The following PCDHA7 variants were observed in gnomAD, a reference collection of about 807,000 sequenced individuals.
The protein encoded by PCDHA7 is protocadherin alpha-7.
A neutral mutation model predicts 57.2 loss-of-function variants in PCDHA7; 37 were observed. The ratio of observed to expected loss-of-function variants is 0.65; its 90% confidence interval spans 0.50 to 0.85. PCDHA7 has a LOEUF of 0.85. Ranked by LOEUF, PCDHA7 falls within the 40% of genes least tolerant of loss-of-function variation. The pLI is 0.00. For synonymous variants in PCDHA7, 553 were observed against 558.8 expected (o/e 0.99, Z 0.15); for missense variants, 1,188 against 1,241.8 (o/e 0.96, Z 0.65).
intron 1 of PCDHA7, chr5:140,869,217 G>A: frequency 1.2e-6 from 2 of 1,613,842 alleles, no homozygotes; most frequent in South Asian, 1.1e-5. Context: ...TCTCGGAGGA[G>A]GCCAAACACG....
In PCDHA7 at chr5:140,835,636, TG is replaced by T. The variant is rs2150240289; in HGVS notation, c.1254del (p.Ser419ProfsTer30). ...VLDSALDRES[V>X]SAYELVVTAR... ...GACAGCGCTCTGGACCGCGAGAGTG[TG>T]TCCGCCTATGAGCTGGTGGTTACCG... On this transcript the variant is annotated frameshift_variant, in exon 1 of 4. Transcript: ENST00000525929. LOFTEE classifies it high-confidence loss of function. 6 of 1,613,906 alleles carry T rather than the reference TG, an allele frequency of 3.7e-6. No individual in the cohort carries two copies. The East Asian group carries it at 8.9e-5, about 24-fold the overall frequency.
chr5:140,992,847 A>G (rs183404145), intron 3 of PCDHA7, among the ~76,000 whole-genome samples: 1 of 152,264 alleles, frequency 6.6e-6, no homozygotes, highest in East Asian at 1.9e-4. Flanking sequence ...TTGTATAACA[A>G]CCAGTTTCAC....
intron 1 of PCDHA7, among the ~76,000 whole-genome samples, chr5:140,973,258 C>T (rs952911948): frequency 1.3e-5 from 2 of 152,168 alleles, no homozygotes; most frequent in African/African-American, 4.8e-5. Flanking sequence ...CTTTCAGTGG[C>T]ACCTACTTTT....
intron 3 of PCDHA7, among the ~76,000 whole-genome samples, chr5:140,999,070 T>A (rs930538088): frequency 6.1e-4 from 93 of 152,328 alleles, no homozygotes; most frequent in African/African-American, 2.1e-3. Context: ...GTAGTCTCCT[T>A]CACTTCCTCC....
At chr5:140,837,629 C>CT (rs2150277750) in intron 1 of PCDHA7, among the ~76,000 whole-genome samples, 8 of 148,948 alleles carry the variant, frequency 5.4e-5, no homozygotes, top group Admixed American at 1.3e-4. Flanking sequence ...TCCTTCCTTC[C>CT]TTCCTTTCTT....
chr5:140,857,990 G>C lies in PCDHA7; in HGVS notation c.2355+21252G>C, dbSNP rs570220982. ...TGACTCGCCACGCCAGCGCCTACTG[G>C]TGCTGGTGAAGGACCATGGCGAGCC... On this transcript the variant is annotated intron_variant, in intron 1 of 3. Transcript: ENST00000525929. 3.7e-5 allele frequency: 59 copies of C among 1,597,202 alleles called. 9 individuals are homozygous for C. In the South Asian group the frequency reaches 5.7e-4, roughly 16 times the overall value.
chr5:140,881,318 C>G (rs970806128), intron 1 of PCDHA7: 20 of 977,252 alleles, frequency 2.0e-5, no homozygotes, highest in East Asian at 2.3e-4. Context: ...TGGTTAAATT[C>G]TATTTAACCA....
chr5:140,917,338 G>GGGGGGGGGGGGGGGGGA (rs2078134893), intron 1 of PCDHA7, among the ~76,000 whole-genome samples: 1 of 137,894 alleles, frequency 7.3e-6, no homozygotes, highest in Non-Finnish European at 1.6e-5. Flanking sequence ...GGAGGGGGGG[G>GGGGGGGGGGGGGGGGGA]ATGGTGTAGG....
At chr5:140,880,748 G>T (rs950550579) in intron 1 of PCDHA7, among the ~76,000 whole-genome samples, 10 of 152,220 alleles carry the variant, frequency 6.6e-5, no homozygotes, top group Non-Finnish European at 1.2e-4. Flanking sequence ...GATTGTCAGT[G>T]TAACTGCGTG....
intron 1 of PCDHA7, chr5:140,861,660 G>A: frequency 3.7e-6 from 1 of 269,190 alleles, no homozygotes; most frequent in Non-Finnish European, 7.4e-6. Context: ...TCTGAAACGA[G>A]AGCTCTTGAT....
intron 1 of PCDHA7, among the ~76,000 whole-genome samples, chr5:140,959,250 G>A (rs2095476529): frequency 6.6e-6 from 1 of 152,030 alleles, no homozygotes. Context: ...GATAGTGCAT[G>A]ACTGTAGTCC....
intron 1 of PCDHA7, chr5:140,862,303 T>C (rs2047298994): frequency 3.6e-6 from 1 of 279,072 alleles, no homozygotes; most frequent in South Asian, 4.0e-5. Flanking sequence ...CTCCACTGGG[T>C]ACCGTCATAG....
At chr5:140,998,156 C>T (rs782675490) in intron 3 of PCDHA7, among the ~76,000 whole-genome samples, 3 of 152,178 alleles carry the variant, frequency 2.0e-5, no homozygotes, top group Non-Finnish European at 4.4e-5. Context: ...ACAGTTAAGC[C>T]ATGTGCCAAG....
At position 140,842,785 on chromosome 5, in the gene PCDHA7, G is replaced by A. The variant is rs2150344223; in HGVS notation, c.2355+6047G>A. 4 of 1,594,390 alleles carry A rather than the reference G, an allele frequency of 2.5e-6. 1 individual carries two copies. The highest frequency in any genetic ancestry group is 3.4e-5 in the Admixed American group (2 of 59,288). ...GAGACGCGGACGCGCAGGAGAACGCGCTGGTGTCCTACTCGCTTGTGGAGC... is the reference window on the plus strand; with the variant it reads ...GAGACGCGGACGCGCAGGAGAACGCACTGGTGTCCTACTCGCTTGTGGAGC... On this transcript the variant is annotated intron_variant, in intron 1 of 3. Transcript: ENST00000525929.
At position 140,887,505 on chromosome 5, in the gene PCDHA7, T is replaced by G. The variant is rs185975578; in HGVS notation, c.2355+50767T>G. On this transcript the variant is annotated intron_variant, in intron 1 of 3. Transcript: ENST00000525929. ...GGCTTGCATAGTTTCTAATAAGATG[T>G]TTGCTTTTTTATATATGAGTCTTCC... Among the ~76,000 whole-genome samples, 465 of 152,304 alleles carry G rather than the reference T, an allele frequency of 3.1e-3. 3 individuals carry two copies. The highest frequency in any genetic ancestry group is 0.014 in the Middle Eastern group (4 of 294).
chr5:140,836,804 T>A, intron 1 of PCDHA7, 66 bp downstream of exon 1: 12 of 1,321,042 alleles, frequency 9.1e-6, no homozygotes, highest in Non-Finnish European at 9.3e-6. Context: ...CTCCTTAAAT[T>A]TTCTTTCATA....
rs2150443842 is a variant in PCDHA7 at position 140,849,644 on chromosome 5, G to A, written c.2355+12906G>A. 141 of 1,598,706 alleles carry A rather than the reference G, an allele frequency of 8.8e-5. 10 individuals are homozygous for A. In the East Asian group the frequency reaches 1.0e-3, roughly 12 times the overall value. ...TCGACCTAGACGCAGATGCCAACGG[G>A]CAGGTTACCTGCTCCCTGACGCCCC... On this transcript the variant is annotated intron_variant, in intron 1 of 3. Coordinates refer to ENST00000525929, the MANE Select transcript of PCDHA7 (RefSeq NM_018910.3).
intron 1 of PCDHA7, among the ~76,000 whole-genome samples, chr5:140,937,729 G>A (rs1471512736): frequency 1.3e-5 from 2 of 151,886 alleles, no homozygotes; most frequent in African/African-American, 4.8e-5. Context: ...TGGCTAACAC[G>A]GTGAAACCCC....
chr5:140,870,509 C>T, intron 1 of PCDHA7: 2 of 1,614,230 alleles, frequency 1.2e-6, no homozygotes, highest in Non-Finnish European at 1.7e-6. Context: ...AACAACCCAC[C>T]AGGCTGCCAC....
Sources: allele counts gnomAD v4.1 joint callset (sites outside exome capture counted in the v4.1 genomes callset), GRCh38; gene constraint gnomAD v4.1.1; transcripts MANE v1.5; gene names NCBI Gene and HGNC (gene_info 2026-07-23, HGNC 2026-07-21).